ACTR3B: variants seen among roughly 807,000 people sequenced by gnomAD.
ACTR3B encodes the protein actin related protein 3B, also known as actin-related protein 3B.
A neutral mutation model predicts 59.0 loss-of-function variants in ACTR3B; 8 were observed. The observed-to-expected ratio is 0.14, with a 90% CI of 0.08 to 0.24. The LOEUF (loss-of-function observed/expected upper bound fraction) is 0.24, where lower values mean the gene tolerates loss of function less well. ACTR3B is among the 10% of genes least tolerant of loss of function. The pLI, the probability that ACTR3B is intolerant of heterozygous loss-of-function variation, is 1.00. For missense variants in ACTR3B, 245 were observed against 552.3 expected, an observed-to-expected ratio of 0.44 and a Z score of 5.58; for synonymous variants, 148 against 197.9, an observed-to-expected ratio of 0.75 and a Z score of 2.12.
At chr7:152,796,873 T>TGTG (rs1563102356) in intron 2 of ACTR3B, among the ~76,000 whole-genome samples, 1 of 106,092 alleles carries the variant, frequency 9.4e-6, no homozygotes, top group Non-Finnish European at 1.9e-5. Flanking sequence ...TTTTTTTTTT[T>TGTG]TTTTTTTTTT....
chr7:152,844,085 T>C (rs1798076589), intron 9 of ACTR3B, among the ~76,000 whole-genome samples: 1 of 152,248 alleles, frequency 6.6e-6, no homozygotes, highest in Non-Finnish European at 1.5e-5. Context: ...TTTATGTTTT[T>C]GAGATGGAGT....
intron 7 of ACTR3B, 120 bp downstream of exon 7, chr7:152,820,562 G>C: frequency 2.1e-6 from 3 of 1,461,566 alleles, no homozygotes; most frequent in Non-Finnish European, 2.7e-6. Context: ...CATGAATGTG[G>C]GGCTTGATTT....
At chr7:152,853,602 G>A (rs1440662351) in intron 11 of ACTR3B, 25 bp downstream of exon 11, 3 of 1,597,368 alleles carry the variant, frequency 1.9e-6, no homozygotes, top group Admixed American at 3.4e-5. Context: ...CGAGGGCTCT[G>A]TGTCTCCATT....
chr7:152,833,975 C>T (rs1366329814), intron 9 of ACTR3B, among the ~76,000 whole-genome samples: 1 of 151,892 alleles, frequency 6.6e-6, no homozygotes, highest in Non-Finnish European at 1.5e-5. Flanking sequence ...TGCCGTGAGA[C>T]GGGGTTGAAG....
chr7:152,826,035 C>A (rs956893326), intron 9 of ACTR3B, among the ~76,000 whole-genome samples: 1 of 152,084 alleles, frequency 6.6e-6, no homozygotes, highest in African/African-American at 2.4e-5. Flanking sequence ...GAGTGAGTCG[C>A]GCCGTCAGCT....
Position 152,854,624 on chromosome 7 carries a change from C to A in ACTR3B, c.*71C>A. 1.3e-6 allele frequency: 2 copies of A among 1,509,708 alleles called. No homozygotes were observed. Among genetic ancestry groups the A allele is most frequent in the Non-Finnish European group, 1.8e-6 (2 of 1,089,242 alleles). The allele number at this position is 1,509,708 out of a possible 1,614,324, so 93.5% of individuals were successfully genotyped here. ...GTGTCCTTCAGAACCCAGAGAAGGC[C>A]GCCGTTCTGTAAATAGCGACGTCGG... On this transcript the variant is annotated 3_prime_UTR_variant, in exon 12 of 12. Coordinates refer to ENST00000256001, the MANE Select transcript of ACTR3B (RefSeq NM_020445.6). The surrounding 1 kb of genome is among the most constrained non-coding windows in gnomAD (Gnocchi z 4.9).
rs766908071 is a variant in ACTR3B, at chr7:152,823,506, T to C, written c.849T>C (p.Phe283=). 2 of 1,614,116 alleles carry C rather than the reference T, an allele frequency of 1.2e-6. No homozygotes were observed. Among genetic ancestry groups the C allele is most frequent in the Non-Finnish European group, 1.7e-6 (2 of 1,179,994 alleles). ...GATTCCTGGGACCTGAAATATTCTT[T>C]CACCCGGAGGTGAGATGTTTCCTTT... is the stretch of plus-strand genomic sequence containing the variant. The part of the protein sequence containing the change: ...YERFLGPEIF[F]HPEFANPDFM... Residue 283 remains phenylalanine, a synonymous_variant, in exon 8 of 12, where the codon TTT becomes TTC. Coordinates refer to ENST00000256001, the MANE Select transcript of ACTR3B (RefSeq NM_020445.6).
At chr7:152,834,454 G>T (rs1797281153) in intron 9 of ACTR3B, among the ~76,000 whole-genome samples, 1 of 152,184 alleles carries the variant, frequency 6.6e-6, no homozygotes, top group Non-Finnish European at 1.5e-5. Flanking sequence ...GCGCCCGGTT[G>T]TCGCTGTTTA....
chr7:152,825,741 C>T (rs1796520243), intron 9 of ACTR3B, among the ~76,000 whole-genome samples: 4 of 152,130 alleles, frequency 2.6e-5, no homozygotes, highest in South Asian at 2.1e-4. Flanking sequence ...CCATGCTTTC[C>T]GTGAATTCCA....
intron 2 of ACTR3B, among the ~76,000 whole-genome samples, chr7:152,797,213 A>G (rs2098220495): frequency 6.6e-6 from 1 of 152,072 alleles, no homozygotes; most frequent in African/African-American, 2.4e-5. Context: ...TCAAGTAGCT[A>G]GGACTACAGG....
At chr7:152,834,100 T>C (rs1324023744) in intron 9 of ACTR3B, among the ~76,000 whole-genome samples, 2 of 136,614 alleles carry the variant, frequency 1.5e-5, no homozygotes, top group Non-Finnish European at 3.2e-5. Context: ...ATTTTCTAAA[T>C]TGTAAAAAAA....
At chr7:152,792,494 A>G (rs947685116) in intron 2 of ACTR3B, among the ~76,000 whole-genome samples, 12 of 151,884 alleles carry the variant, frequency 7.9e-5, no homozygotes, top group Admixed American at 5.9e-4. Flanking sequence ...TTATGCCTGT[A>G]ATCCCAGCAC....
chr7:152,806,044 T>C (rs560259102), intron 4 of ACTR3B, among the ~76,000 whole-genome samples: 16 of 152,368 alleles, frequency 1.1e-4, no homozygotes, highest in African/African-American at 3.8e-4. Context: ...ATTGATGCTT[T>C]GATCATCTGC....
At chr7:152,807,004 A>G (rs2098254216) in intron 4 of ACTR3B, among the ~76,000 whole-genome samples, 1 of 152,140 alleles carries the variant, frequency 6.6e-6, no homozygotes, top group South Asian at 2.1e-4. Flanking sequence ...CATGTTAGGG[A>G]GCCTCTGGCC....
chr7:152,824,254 G>A lies in ACTR3B; in HGVS notation c.858+739G>A, dbSNP rs1375936961. ...AGAAACAGCATAGAATGTGTTCCTC[G>A]CTAGTAATCTGAATAATAAAATAAT... On this transcript the variant is annotated intron_variant, in intron 8 of 11. Coordinates refer to ENST00000256001, the MANE Select transcript of ACTR3B (RefSeq NM_020445.6). This position sits in a 1 kb window ranked among gnomAD's most constrained non-coding sequence, Gnocchi z 4.2. 2.0e-5 allele frequency among the ~76,000 whole-genome samples: 3 copies of A among 152,110 alleles called. No homozygotes were observed. Among genetic ancestry groups the A allele is most frequent in the African/African-American group, 2.4e-5 (1 of 41,402 alleles).
rs1796043775 is a variant in ACTR3B, at chr7:152,820,305, G to C, written c.547G>C (p.Gly183Arg). 1 of 1,585,052 alleles carries C rather than the reference G, an allele frequency of 6.3e-7. No homozygotes were observed. The highest frequency in any genetic ancestry group is 1.7e-5 in the Admixed American group (1 of 58,912). Reference sequence around the variant, plus strand: ...GCCTCCTCTTCTTCCCTAGGCAGAAGGTTATGTAATTGGAAGCTGCATCAA... The same window carrying C: ...GCCTCCTCTTCTTCCCTAGGCAGAACGTTATGTAATTGGAAGCTGCATCAA... ...GVTHVIPVAE[G>R]YVIGSCIKHI... Residue 183 changes from glycine to arginine, a missense_variant, in exon 7 of 12, where the codon GGT (glycine) becomes CGT (arginine). Gly to Arg is a moderately radical substitution (Grantham distance 125, BLOSUM62 -2). This residue lies in a region of ACTR3B where 12 missense variants were observed against 68.7 expected (regional missense o/e 0.17). Transcript: ENST00000256001.
intron 9 of ACTR3B, among the ~76,000 whole-genome samples, chr7:152,845,992 G>A (rs1798238687): frequency 6.6e-6 from 1 of 152,248 alleles, no homozygotes; most frequent in Non-Finnish European, 1.5e-5. Context: ...TTGTTATAAA[G>A]ATGCAGATCC....
intron 4 of ACTR3B, among the ~76,000 whole-genome samples, chr7:152,804,283 T>C (rs1376760637): frequency 1.3e-5 from 2 of 152,144 alleles, no homozygotes; most frequent in African/African-American, 2.4e-5. Flanking sequence ...GAATTAGAAC[T>C]TCGGAAGGGA....
intron 1 of ACTR3B, among the ~76,000 whole-genome samples, chr7:152,761,202 C>T (rs1046426476): frequency 5.3e-5 from 8 of 152,128 alleles, no homozygotes; most frequent in Admixed American, 5.2e-4. Flanking sequence ...GCTTTTCTAC[C>T]TAAAACACAA....
Sources: allele counts gnomAD v4.1 joint callset (sites outside exome capture counted in the v4.1 genomes callset), GRCh38; gene constraint gnomAD v4.1.1; regional missense constraint gnomAD v4.1.1; non-coding constraint Gnocchi (gnomAD v3.1); transcripts MANE v1.5; gene names NCBI Gene and HGNC (gene_info 2026-07-23, HGNC 2026-07-21).